FILIP1: variants seen among roughly 807,000 people sequenced by gnomAD.
FILIP1 encodes filamin A interacting protein 1, also known as filamin-A-interacting protein 1.
In FILIP1, 61 loss-of-function variants were observed where a neutral mutation model predicts 102.1. The ratio of observed to expected loss-of-function variants is 0.60; its 90% CI spans 0.49 to 0.74. FILIP1 has a LOEUF of 0.74. Among genes scored for constraint, FILIP1 ranks in the 30% least tolerant of loss-of-function variants. The pLI is 0.00. For synonymous variants in FILIP1, 491 were observed against 526.9 expected (o/e 0.93, Z 0.93); for missense variants, 1,314 against 1,441.2 (o/e 0.91, Z 1.43).
intron 2 of FILIP1, among the ~76,000 whole-genome samples, chr6:75,397,197 A>C (rs1415584622): frequency 2.0e-5 from 3 of 152,126 alleles, no homozygotes; most frequent in Admixed American, 2.0e-4. Flanking sequence ...AAATAAATAA[A>C]TAAATAAAAG....
intron 3 of FILIP1, chr6:75,357,429 T>C (rs1232895580): frequency 6.6e-6 from 1 of 152,264 alleles, no homozygotes; most frequent in Non-Finnish European, 1.5e-5. Flanking sequence ...ACTGGTTGTT[T>C]GCAATAGCCA....
intron 1 of FILIP1, among the ~76,000 whole-genome samples, chr6:75,452,426 A>C (rs60574753): frequency 0.22 from 34,024 of 151,960 alleles, 3,837 homozygotes; most frequent in South Asian, 0.3. Flanking sequence ...TGTCCCTACA[A>C]AGGACATGAA....
chr6:75,399,650 G>A (rs1259911562), intron 2 of FILIP1, among the ~76,000 whole-genome samples: 2 of 152,150 alleles, frequency 1.3e-5, no homozygotes, highest in Non-Finnish European at 2.9e-5. Flanking sequence ...TTACAAGGAG[G>A]TGCCCTTAAC....
downstream of FILIP1, among the ~76,000 whole-genome samples, chr6:75,304,876 T>C (rs971831765): frequency 1.3e-5 from 2 of 152,194 alleles, no homozygotes; most frequent in African/African-American, 2.4e-5. Context: ...ATTTGAACTA[T>C]GTATATGAAT....
intron 4 of FILIP1, among the ~76,000 whole-genome samples, chr6:75,323,494 G>C (rs986078143): frequency 2.6e-5 from 4 of 152,182 alleles, no homozygotes; most frequent in Non-Finnish European, 5.9e-5. Context: ...CATAAAATTG[G>C]TTATTAATCT....
chr6:75,313,767 C>T lies in FILIP1; in HGVS notation c.2065G>A (p.Ala689Thr). The change falls in exon 5 of 6, where the codon GCC becomes ACC. Residue 689 changes from alanine to threonine, a missense_variant. This residue lies in a region of FILIP1 where 816 missense variants were observed against 913.1 expected (regional missense o/e 0.89). Coordinates refer to ENST00000237172, the MANE Select transcript of FILIP1 (RefSeq NM_015687.5). This position sits in a 1 kb window ranked among gnomAD's most constrained non-coding sequence, Gnocchi z 4.2. ...CCCTTCTCTATTGCTTTATTCTTGG[C>T]AATTTGGTGCTTGATCTCCTCTAGT... is the stretch of plus-strand genomic sequence containing the variant. ...QQLEEIKHQIAKNKAIEKGEV... is the reference protein window; with the variant it reads ...QQLEEIKHQITKNKAIEKGEV... 1 of 1,597,312 alleles carries T rather than the reference C, an allele frequency of 6.3e-7. No homozygotes were observed. Among genetic ancestry groups the T allele is most frequent in the Non-Finnish European group, 8.5e-7 (1 of 1,174,074 alleles).
chr6:75,378,171 T>C (rs536331465), intron 2 of FILIP1, among the ~76,000 whole-genome samples: 1 of 152,062 alleles, frequency 6.6e-6, no homozygotes, highest in Non-Finnish European at 1.5e-5. Flanking sequence ...TCATGATCAA[T>C]GACACTATGT....
At chr6:75,300,522 C>T (rs1421230702) in intron 6 of FILIP1, among the ~76,000 whole-genome samples, 1 of 152,188 alleles carries the variant, frequency 6.6e-6, no homozygotes, top group Non-Finnish European at 1.5e-5. Context: ...TTTAGAAGTA[C>T]TTAGATATGA....
At chr6:75,357,184 C>T (rs1261417285) in intron 3 of FILIP1, 1 of 152,196 alleles carries the variant, frequency 6.6e-6, no homozygotes, top group Non-Finnish European at 1.5e-5. Flanking sequence ...TACAATGATA[C>T]ATTGTGATCT....
At chr6:75,419,852 A>G (rs979407379) in intron 1 of FILIP1, among the ~76,000 whole-genome samples, 1 of 152,154 alleles carries the variant, frequency 6.6e-6, no homozygotes, top group Non-Finnish European at 1.5e-5. Context: ...ATTTCTCATG[A>G]GGTTATCACG....
intron 1 of FILIP1, among the ~76,000 whole-genome samples, chr6:75,452,812 A>AT (rs1220164866): frequency 6.6e-6 from 1 of 152,096 alleles, no homozygotes; most frequent in Non-Finnish European, 1.5e-5. Flanking sequence ...CTTTATACTT[A>AT]TTTTTTCCCA....
chr6:75,313,680 G>A lies in FILIP1; in HGVS notation c.2152C>T (p.Arg718Ter), dbSNP rs762067637. 142 of 1,563,902 alleles carry A rather than the reference G, an allele frequency of 9.1e-5. No homozygotes were observed. The highest frequency in any genetic ancestry group is 1.2e-4 in the Non-Finnish European group (139 of 1,160,906). ...GCTTGTACTTCGGCTTTTAAGTCTC[G>A]ACTTTTAGCTTCTTCCAACCGAAAT... ...HRFRLEEAKS[R>*]DLKAEVQALK... Residue 718 changes from arginine to a stop codon, truncating the protein, a stop_gained, in exon 5 of 6, where the codon CGA (arginine) becomes TGA (stop). Coordinates refer to ENST00000237172, the MANE Select transcript of FILIP1 (RefSeq NM_015687.5). LOFTEE classifies it high-confidence loss of function. This position sits in a 1 kb window ranked among gnomAD's most constrained non-coding sequence, Gnocchi z 4.2.
intron 4 of FILIP1, among the ~76,000 whole-genome samples, chr6:75,318,001 T>C: frequency 6.6e-6 from 1 of 152,184 alleles, no homozygotes. Context: ...CTTGATAAGT[T>C]CATGTCCAGT....
downstream of FILIP1, among the ~76,000 whole-genome samples, chr6:75,307,307 G>C (rs1352172123): frequency 6.6e-6 from 1 of 152,124 alleles, no homozygotes; most frequent in African/African-American, 2.4e-5. Flanking sequence ...TGAATCATGA[G>C]ATAAAAATCT....
chr6:75,326,742 T>C (rs546455867), intron 4 of FILIP1, among the ~76,000 whole-genome samples: 12 of 152,322 alleles, frequency 7.9e-5, no homozygotes, highest in African/African-American at 2.2e-4. Flanking sequence ...ATCAGATCTA[T>C]TTGCACAAAC....
At position 75,447,678 on chromosome 6, in the gene FILIP1, A is replaced by T. The variant is rs545445995; in HGVS notation, c.-6-32700T>A. Among the ~76,000 whole-genome samples the T allele has an allele frequency of 3.0e-4, 45 of 152,300 alleles. No individual in the cohort carries two copies. The South Asian group carries it at 9.3e-3, about 32-fold the overall frequency. On this transcript the variant is annotated intron_variant, in intron 1 of 5. Coordinates refer to ENST00000237172, the MANE Select transcript of FILIP1 (RefSeq NM_015687.5). ...GAAGTTATTTTTGCATTCTAGGTGT[A>T]TGGGATTTTGATCAAGGATACTTTG...
At chr6:75,319,853 G>C (rs2149560943) in intron 4 of FILIP1, 2 of 422,012 alleles carry the variant, frequency 4.7e-6, no homozygotes, top group East Asian at 5.2e-5. Context: ...GAAAAGAAAA[G>C]AAAACTCTGA....
chr6:75,464,777 G>C (rs557413568), intron 1 of FILIP1, among the ~76,000 whole-genome samples: 45 of 152,146 alleles, frequency 3.0e-4, no homozygotes, highest in African/African-American at 1.0e-3. Context: ...CTCAACTTCT[G>C]GTCTTACCCG....
chr6:75,379,665 A>G (rs1775845460), intron 2 of FILIP1, among the ~76,000 whole-genome samples: 2 of 152,200 alleles, frequency 1.3e-5, no homozygotes, highest in African/African-American at 2.4e-5. Context: ...CCTTGGCTTT[A>G]TCTGCACTGG....
Sources: allele counts gnomAD v4.1 joint callset (sites outside exome capture counted in the v4.1 genomes callset), GRCh38; gene constraint gnomAD v4.1.1; regional missense constraint gnomAD v4.1.1; non-coding constraint Gnocchi (gnomAD v3.1); transcripts MANE v1.5; gene names NCBI Gene and HGNC (gene_info 2026-07-23, HGNC 2026-07-21).